Variants in AHCTF1 observed in about 807,000 individuals in gnomAD.
AHCTF1 encodes protein ELYS.
A neutral mutation model predicts 248.4 loss-of-function variants in AHCTF1; 24 were observed. The ratio of observed to expected loss-of-function variants is 0.10; its 90% CI spans 0.07 to 0.14. The LOEUF is 0.14. Among genes scored for constraint, AHCTF1 ranks in the 10% least tolerant of loss-of-function variants. The pLI, the probability that AHCTF1 is intolerant of heterozygous loss-of-function variation, is 1.00. For missense variants in AHCTF1, 2,206 were observed against 2,636.2 expected (o/e 0.84, Z 3.57); for synonymous variants, 786 against 929.8 (o/e 0.85, Z 2.81).
Position 246,850,819 on chromosome 1 carries a change from G to T in AHCTF1, c.5187C>A (p.Ser1729Arg). Residue 1729 changes from serine to arginine, a missense_variant, in exon 33 of 36, where the codon AGC (serine) becomes AGA (arginine). By Grantham distance (110) the Ser-to-Arg change is moderately radical. Coordinates refer to ENST00000648844, the MANE Select transcript of AHCTF1 (RefSeq NM_001323342.2). ...QETSTMTMNV[S>R]QVDDVVSSKT... is the part of the protein sequence containing the mutation. The stretch of plus-strand genomic sequence containing the variant: ...TGGAGGAAACCACGTCATCAACCTG[G>T]CTGACATTCATAGTCATTGTGCTTG... The T allele has an allele frequency of 6.2e-7, 1 of 1,613,764 alleles. No homozygotes were observed. The highest frequency in any genetic ancestry group is 1.1e-5 in the South Asian group (1 of 91,068).
At chr1:246,911,647 C>T (rs1471562808) in intron 4 of AHCTF1, among the ~76,000 whole-genome samples, 2 of 151,912 alleles carry the variant, frequency 1.3e-5, no homozygotes, top group Non-Finnish European at 1.5e-5. Flanking sequence ...CCACACCTGG[C>T]TAATTTTATA....
intron 4 of AHCTF1, 134 bp downstream of exon 4, chr1:246,913,097 CT>C (rs77666704): frequency 0.12 from 66,586 of 554,804 alleles, 18 homozygotes; most frequent in East Asian, 0.17. Context: ...TTTAAAATAC[CT>C]TTTTTTTTTT....
rs571182332 is a variant in AHCTF1 at position 246,851,556 on chromosome 1, T to C, written c.4564-114A>G. The C allele has an allele frequency of 4.3e-5, 39 of 900,010 alleles. No homozygotes were observed. The East Asian group carries it at 8.5e-4, about 20-fold the overall frequency. The allele number at this position is 900,010 out of a possible 1,614,324, so 55.8% of individuals were successfully genotyped here. A position where few individuals can be genotyped will look rare whatever the true frequency, so the allele number is the denominator to read the frequency against. Reference sequence around the variant, plus strand: ...TGTGCCTTTTAAAACATAAATTATATTTAATATGGCATATACTTATGGGTT... The same window carrying C: ...TGTGCCTTTTAAAACATAAATTATACTTAATATGGCATATACTTATGGGTT... On this transcript the variant is annotated intron_variant, in intron 32 of 35. Transcript: ENST00000648844.
chr1:246,929,081 G>C (rs1667144930), intron 1 of AHCTF1, among the ~76,000 whole-genome samples: 1 of 152,138 alleles, frequency 6.6e-6, no homozygotes, highest in Admixed American at 6.5e-5. Flanking sequence ...TATGCTGTGA[G>C]ATCCCAGTAA....
intron 13 of AHCTF1, among the ~76,000 whole-genome samples, chr1:246,895,126 C>CT (rs1255705793): frequency 6.6e-6 from 1 of 152,078 alleles, no homozygotes; most frequent in Non-Finnish European, 1.5e-5. Context: ...TTCTAGATCT[C>CT]TTTTCCAAAA....
intron 6 of AHCTF1, among the ~76,000 whole-genome samples, chr1:246,904,262 GGA>G (rs1339942180): frequency 6.6e-6 from 1 of 152,100 alleles, no homozygotes; most frequent in Non-Finnish European, 1.5e-5. Context: ...GCATACTGTA[GGA>G]GATATCTTAT....
rs561457573 is a variant in AHCTF1 at position 246,890,497 on chromosome 1, A to T, written c.2051-438T>A. ...TGCAAGTTATATTCTAAACAAATAT[A>T]GCACAAGTCAAATACCAAAAATTAT... is the stretch of plus-strand genomic sequence containing the variant. On this transcript the variant is annotated intron_variant, in intron 16 of 35. Coordinates refer to ENST00000648844, the MANE Select transcript of AHCTF1 (RefSeq NM_001323342.2). Among the ~76,000 whole-genome samples, 23 of 152,324 alleles carry T rather than the reference A, an allele frequency of 1.5e-4. No individual in the cohort carries two copies. In the South Asian group the frequency reaches 4.8e-3, roughly 32 times the overall value.
chr1:246,916,113 A>T, intron 3 of AHCTF1, 29 bp downstream of exon 3: 2 of 1,593,992 alleles, frequency 1.3e-6, no homozygotes, highest in Non-Finnish European at 1.7e-6. Flanking sequence ...TTGAAAGAGA[A>T]ATGTCCAGGT....
rs1207213638 is a variant in AHCTF1, at chr1:246,930,665, A to G, written c.-8+913T>C. Among the ~76,000 whole-genome samples, 3 of 151,998 alleles carry G rather than the reference A, an allele frequency of 2.0e-5. No homozygotes were observed. In the East Asian group the frequency reaches 5.8e-4, roughly 29 times the overall value. On this transcript the variant is annotated intron_variant, in intron 1 of 35. Transcript: ENST00000648844. ...TGGGTTCAAGCGATCCTCCCGCCTC[A>G]GCCTCTCAAAGTGCTGGGATTACAG...
At chr1:246,929,951 C>A (rs1667220445) in intron 1 of AHCTF1, among the ~76,000 whole-genome samples, 1 of 151,882 alleles carries the variant, frequency 6.6e-6, no homozygotes, top group Non-Finnish European at 1.5e-5. Context: ...ACTCAGGAGG[C>A]TGAGGCAGGA....
At chr1:246,884,484 T>A (rs1040105620) in intron 21 of AHCTF1, among the ~76,000 whole-genome samples, 2 of 152,124 alleles carry the variant, frequency 1.3e-5, no homozygotes, top group Admixed American at 1.3e-4. Context: ...ATAACTAATT[T>A]CTAAAAATAT....
In AHCTF1 at chr1:246,843,854, G is replaced by A. The variant is rs1660053501; in HGVS notation, c.6466C>T (p.Pro2156Ser). 6.6e-7 allele frequency: 1 copy of A among 1,510,876 alleles called. No individual in the cohort carries two copies. The highest frequency in any genetic ancestry group is 2.4e-5 in the East Asian group (1 of 41,930). 93.6% of individuals were successfully genotyped at this position (1,510,876 alleles called of 1,614,324 possible). ...DLSSQFVISPPALRSRQKNTS... is the reference protein window; with the variant it reads ...DLSSQFVISPSALRSRQKNTS... ...TTTTTTTGTCTGCTCCTTAAAGCAG[G>A]AGGTGAGATGACAAACTGAGAAGAT... The change falls in exon 34 of 36, where the codon CCT (proline) becomes TCT (serine). Residue 2156 changes from proline to serine, a missense_variant. Transcript: ENST00000648844.
rs766989944 is a variant in AHCTF1 at position 246,902,629 on chromosome 1, C to T, written c.1013G>A (p.Gly338Asp). The change falls in exon 8 of 36, where the codon GGC becomes GAC. Residue 338 changes from glycine to aspartate, a missense_variant. Transcript: ENST00000648844. ...EERYTLDLTG[G>D]MFPLRGQTSN... ...CGTCTGTCCCCTCAAAGGGAACATG[C>T]CACCTGTCAGGTCCAGGGTGTATCT... 7 of 1,613,280 alleles carry T rather than the reference C, an allele frequency of 4.3e-6. No homozygotes were observed. The South Asian group carries it at 7.7e-5, about 18-fold the overall frequency.
At chr1:246,926,090 A>C (rs1572479451) in intron 1 of AHCTF1, among the ~76,000 whole-genome samples, 3 of 140,560 alleles carry the variant, frequency 2.1e-5, no homozygotes, top group South Asian at 2.3e-4. Context: ...CTCACTCCCC[A>C]CTCTCATCAT....
chr1:246,877,457 A>G (rs906391824), intron 21 of AHCTF1, among the ~76,000 whole-genome samples, 155 bp from the exon 22 acceptor site: 26 of 152,376 alleles, frequency 1.7e-4, no homozygotes, highest in Middle Eastern at 3.4e-3. Flanking sequence ...TAAGTACTGC[A>G]TAATAATCTT....
At chr1:246,889,889 C>T in intron 17 of AHCTF1, 77 bp downstream of exon 17, 2 of 1,064,326 alleles carry the variant, frequency 1.9e-6, no homozygotes, top group Non-Finnish European at 2.8e-6. Context: ...CATTTAATCA[C>T]TTTGTAAAAC....
At position 246,926,990 on chromosome 1, in the gene AHCTF1, A is replaced by T. The variant is rs181522177; in HGVS notation, c.-8+4588T>A. On this transcript the variant is annotated intron_variant, in intron 1 of 35. Coordinates refer to ENST00000648844, the MANE Select transcript of AHCTF1 (RefSeq NM_001323342.2). ...GAGATCGAGACCATCCTGGCTAACA[A>T]GGTGAAATCCCGTCTCTACTAAAAA... is the stretch of plus-strand genomic sequence containing the variant. Among the ~76,000 whole-genome samples the T allele has an allele frequency of 4.7e-3, 711 of 150,566 alleles. 3 individuals carry two copies. Among genetic ancestry groups the T allele is most frequent in the Non-Finnish European group, 7.4e-3 (502 of 67,574 alleles).
intron 21 of AHCTF1, among the ~76,000 whole-genome samples, chr1:246,881,865 A>C (rs1337837270): frequency 1.3e-5 from 2 of 151,328 alleles, no homozygotes; most frequent in Non-Finnish European, 2.9e-5. Context: ...AAAAAAACAA[A>C]AAAAAAAGAA....
chr1:246,881,993 C>CT (rs1158256511), intron 21 of AHCTF1, among the ~76,000 whole-genome samples: 1,630 of 135,666 alleles, frequency 0.012, 40 homozygotes, highest in African/African-American at 0.041. Flanking sequence ...ATTATTATTA[C>CT]TTTTTTTTTT....
Sources: allele counts gnomAD v4.1 joint callset (sites outside exome capture counted in the v4.1 genomes callset), GRCh38; gene constraint gnomAD v4.1.1; transcripts MANE v1.5; gene names NCBI Gene and HGNC (gene_info 2026-07-23, HGNC 2026-07-21).